Variants in CPXM2 observed in about 807,000 individuals in gnomAD.
The protein encoded by CPXM2 is carboxypeptidase X, M14 family member 2, also known as inactive carboxypeptidase-like protein X2.
CPXM2 carries 66 observed loss-of-function variants against 86.1 expected under a neutral mutation model. That is an observed-to-expected ratio of 0.77 (90% CI 0.63 to 0.94). The LOEUF is 0.94. Ranked by LOEUF, CPXM2 falls within the 40% of genes least tolerant of loss-of-function variation. The pLI is 0.00. For synonymous variants in CPXM2, 388 were observed against 400.2 expected (o/e 0.97, Z 0.36); for missense variants, 948 against 1,026.3 (o/e 0.92, Z 1.04).
intron 2 of CPXM2, among the ~76,000 whole-genome samples, chr10:123,900,083 C>T (rs887420060): frequency 2.6e-5 from 4 of 152,136 alleles, no homozygotes; most frequent in African/African-American, 9.7e-5. Flanking sequence ...GCCCTGTCAC[C>T]CAGGCTGAAG....
At chr10:123,758,135 AG>A (rs1284997725) in intron 11 of CPXM2, among the ~76,000 whole-genome samples, 3 of 152,198 alleles carry the variant, frequency 2.0e-5, no homozygotes, top group Non-Finnish European at 4.4e-5. Flanking sequence ...TGACGACAGC[AG>A]GACAGGAAGC....
chr10:123,835,567 CAA>C (rs909306526), intron 4 of CPXM2, among the ~76,000 whole-genome samples: 3 of 152,176 alleles, frequency 2.0e-5, no homozygotes, highest in Non-Finnish European at 4.4e-5. Context: ...TGACAGTTTT[CAA>C]AGAGGTTAGA....
chr10:123,891,497 C>T lies in CPXM2; in HGVS notation c.163G>A (p.Glu55Lys). Residue 55 changes from glutamate (E) to lysine (K), a missense_variant, in exon 1 of 14, where the codon GAG (glutamate) becomes AAG (lysine). By Grantham distance (56) the Glu-to-Lys change is moderately conservative. Transcript: ENST00000241305. This position sits in a 1 kb window ranked among gnomAD's most constrained non-coding sequence, Gnocchi z 5.6. ...GCAGGCAGCGGCGGAGAGAAGGTCT[C>T]GAGCTCGGGCTCCGGGCGCGCGTAG... ...PYYARPEPELETFSPPLPAGP... is the reference protein window; with the variant it reads ...PYYARPEPELKTFSPPLPAGP... The T allele has an allele frequency of 6.5e-7, 1 of 1,547,842 alleles. No homozygotes were observed. The highest frequency in any genetic ancestry group is 2.5e-5 in the East Asian group (1 of 40,730).
At chr10:123,916,547 G>A (rs1287277314) in intron 2 of CPXM2, among the ~76,000 whole-genome samples, 1 of 152,136 alleles carries the variant, frequency 6.6e-6, no homozygotes, top group South Asian at 2.1e-4. Context: ...ACTCCTTTGA[G>A]TGGTGACTGA....
In CPXM2 at chr10:123,754,957, C is replaced by T. The variant is rs554308045; in HGVS notation, c.1918-195G>A. 1.6e-4 allele frequency among the ~76,000 whole-genome samples: 25 copies of T among 152,226 alleles called. No homozygotes were observed. The highest frequency in any genetic ancestry group is 9.6e-5 in the African/African-American group (4 of 41,540). Reference sequence around the variant, plus strand: ...CATTGTTGGGTTCAATTAACAAGGGCGAGGTCTTAATGTAAGAAAAGTGAA... The same window carrying T: ...CATTGTTGGGTTCAATTAACAAGGGTGAGGTCTTAATGTAAGAAAAGTGAA... On this transcript the variant is annotated intron_variant, in intron 12 of 13. Coordinates refer to ENST00000241305, the MANE Select transcript of CPXM2 (RefSeq NM_198148.3). The surrounding 1 kb of genome is among the most constrained non-coding windows in gnomAD (Gnocchi z 4.0).
At chr10:123,853,726 G>A (rs557741451) in intron 3 of CPXM2, among the ~76,000 whole-genome samples, 1 of 152,270 alleles carries the variant, frequency 6.6e-6, no homozygotes, top group African/African-American at 2.4e-5. Flanking sequence ...CCAACATGGT[G>A]AAACCCTGTC....
At chr10:123,888,385 T>C (rs1227098828) in intron 1 of CPXM2, among the ~76,000 whole-genome samples, 1 of 152,210 alleles carries the variant, frequency 6.6e-6, no homozygotes, top group Non-Finnish European at 1.5e-5. Context: ...CCCACCTCAG[T>C]GCCTCATACA....
chr10:123,771,182 C>T (rs952003101), intron 7 of CPXM2, 143 bp from the exon 8 acceptor site: 11 of 722,712 alleles, frequency 1.5e-5, no homozygotes, highest in Non-Finnish European at 2.6e-5. Context: ...GCTGCTATCG[C>T]CTCTGCCCAG....
intron 4 of CPXM2, among the ~76,000 whole-genome samples, chr10:123,810,876 T>G (rs1042767865): frequency 1.3e-5 from 2 of 152,258 alleles, no homozygotes; most frequent in Non-Finnish European, 2.9e-5. Context: ...TAGAGTATTG[T>G]CCTATCAAGA....
upstream of CPXM2, among the ~76,000 whole-genome samples, chr10:123,896,616 C>T (rs1945340321): frequency 6.6e-6 from 1 of 152,244 alleles, no homozygotes; most frequent in Admixed American, 6.5e-5. Flanking sequence ...CCTCTCCTCA[C>T]TATTGCCTCC....
chr10:123,924,459 C>A lies in CPXM2; in HGVS notation n.174+15018G>T, dbSNP rs138496216. 2.2e-3 allele frequency among the ~76,000 whole-genome samples: 331 copies of A among 152,176 alleles called. 3 individuals are homozygous for A. The highest frequency in any genetic ancestry group is 7.5e-3 in the African/African-American group (311 of 41,510). On this transcript the variant is annotated intron_variant and non_coding_transcript_variant, in intron 2 of 19. Transcript: ENST00000368854. ...TTCTGATGCTGCTTTATTATAAAGT[C>A]TATGGTAAAGGACACAGATGAATAG...
chr10:123,880,092 C>T (rs1945056995), intron 2 of CPXM2, 119 bp downstream of exon 2: 1 of 639,424 alleles, frequency 1.6e-6, no homozygotes. Flanking sequence ...CAGCAGGCCC[C>T]AGGCAGCCCC....
At chr10:123,938,193 G>A (rs11517444) in intron 2 of CPXM2, among the ~76,000 whole-genome samples, 20,363 of 152,148 alleles carry the variant, frequency 0.13, 1,723 homozygotes, top group Middle Eastern at 0.19. Flanking sequence ...TTTTTAAAAC[G>A]TATGTTCTGA....
chr10:123,762,052 G>C lies in CPXM2; in HGVS notation c.1597C>G (p.Pro533Ala). Residue 533 changes from proline (P) to alanine (A), a missense_variant, in exon 11 of 14, where the codon CCC becomes GCC. By Grantham distance (27) the Pro-to-Ala change is conservative. Coordinates refer to ENST00000241305, the MANE Select transcript of CPXM2 (RefSeq NM_198148.3). ...GGGGTGTGTTCCTGCGTCTTCCAGG[G>C]GGACCGCACCAGGTCGTAGGGGTAC... The part of the protein sequence containing the change: ...VAYPYDLVRS[P>A]WKTQEHTPTP... 6.2e-7 allele frequency: 1 copy of C among 1,614,032 alleles called. No homozygotes were observed. The highest frequency in any genetic ancestry group is 8.5e-7 in the Non-Finnish European group (1 of 1,179,996).
At chr10:123,750,238 G>T (rs1589956910) in intron 13 of CPXM2, 1 of 985,286 alleles carries the variant, frequency 1.0e-6, no homozygotes, top group South Asian at 4.7e-5. Flanking sequence ...AGCAGGTGGA[G>T]ACAGTGTTCC....
intron 4 of CPXM2, among the ~76,000 whole-genome samples, chr10:123,800,335 G>A (rs1264826438): frequency 2.6e-5 from 4 of 152,016 alleles, no homozygotes; most frequent in East Asian, 1.9e-4. Context: ...CTGAATACCC[G>A]TTAGAAGCCA....
chr10:123,882,505 T>C (rs1294319985), intron 1 of CPXM2, among the ~76,000 whole-genome samples: 1 of 152,130 alleles, frequency 6.6e-6, no homozygotes, highest in Non-Finnish European at 1.5e-5. Context: ...AAGGCTGAGT[T>C]GGATTTTTCA....
chr10:123,758,334 G>A (rs551585360), intron 11 of CPXM2, among the ~76,000 whole-genome samples: 1 of 152,254 alleles, frequency 6.6e-6, no homozygotes, highest in Admixed American at 6.5e-5. Flanking sequence ...TCCTCTAGGG[G>A]AGGAGCCTTC....
intron 1 of CPXM2, among the ~76,000 whole-genome samples, chr10:123,890,949 C>G (rs181586471): frequency 4.5e-4 from 69 of 152,356 alleles, no homozygotes; most frequent in African/African-American, 1.6e-3. Context: ...TCTGCCAAAA[C>G]AGCCAGCCAT....
Sources: gnomAD v4.1 joint callset for allele counts (sites outside exome capture counted in the v4.1 genomes callset) on GRCh38, gnomAD v4.1.1 for gene constraint, Gnocchi (gnomAD v3.1) non-coding constraint, MANE v1.5 for transcripts, NCBI Gene and HGNC (gene_info 2026-07-23, HGNC 2026-07-21) for gene names.